The following ADAMTSL3 variants were observed in gnomAD, a reference collection of about 807,000 sequenced individuals.
ADAMTSL3 encodes the protein ADAMTS-like protein 3.
A neutral mutation model predicts 201.7 loss-of-function variants in ADAMTSL3; 128 were observed. The ratio of observed to expected loss-of-function variants is 0.63; its 90% CI spans 0.55 to 0.73. The LOEUF (loss-of-function observed/expected upper bound fraction) is 0.73, where lower values mean the gene tolerates loss of function less well. ADAMTSL3 is among the 30% of genes least tolerant of loss of function. The probability of loss-of-function intolerance (pLI) is 0.00; values close to 1 mark genes in which losing one functional copy is unlikely to be tolerated. For missense variants in ADAMTSL3, 1,990 were observed against 2,119.6 expected, an observed-to-expected ratio of 0.94 and a Z score of 1.20; for synonymous variants, 738 against 748.4, an observed-to-expected ratio of 0.99 and a Z score of 0.23.
At chr15:83,790,181 A>G (rs973529456) in intron 4 of ADAMTSL3, among the ~76,000 whole-genome samples, 4 of 150,052 alleles carry the variant, frequency 2.7e-5, no homozygotes, top group East Asian at 3.9e-4. Flanking sequence ...CAACAATTCC[A>G]TATAATTTCT....
Position 83,686,714 on chromosome 15 carries a change from A to C in ADAMTSL3, c.70-17675A>C, listed in dbSNP as rs553617227. 2.0e-5 allele frequency among the ~76,000 whole-genome samples: 3 copies of C among 152,262 alleles called. 1 individual carries two copies. In the South Asian group the frequency reaches 6.2e-4, roughly 32 times the overall value. ...TCATCTCCTTAGTCTTGAACCAAAG[A>C]CTGCATCTTGGTGAGTAAAATGTAT... On this transcript the variant is annotated intron_variant, in intron 2 of 29. Transcript: ENST00000286744.
At chr15:83,968,367 T>C (rs987347108) in intron 19 of ADAMTSL3, among the ~76,000 whole-genome samples, 2 of 152,146 alleles carry the variant, frequency 1.3e-5, no homozygotes, top group Admixed American at 6.5e-5. Flanking sequence ...GGGTGAAGGA[T>C]ATGAACAGAT....
At position 83,874,691 on chromosome 15, in the gene ADAMTSL3, G is replaced by C. The variant is rs1319896059; in HGVS notation, c.960+3732G>C. Among the ~76,000 whole-genome samples the C allele has an allele frequency of 2.2e-5, 3 of 136,838 alleles. 1 individual carries two copies. The highest frequency in any genetic ancestry group is 8.6e-5 in the African/African-American group (3 of 34,688). The allele number at this position is 136,838 out of a possible 152,430, so 89.8% of individuals were successfully genotyped here. ...CTAAAGCCAGCCAAGGATTGGATAG[G>C]GGTCCCAGCCACACCACCGAGAACG... On this transcript the variant is annotated intron_variant, in intron 9 of 29. Transcript: ENST00000286744.
intron 3 of ADAMTSL3, among the ~76,000 whole-genome samples, chr15:83,743,497 G>A (rs1193593876): frequency 5.1e-5 from 7 of 137,798 alleles, no homozygotes; most frequent in African/African-American, 1.9e-4. Context: ...TCCGGCCTGG[G>A]AGACAGAGCG....
chr15:83,660,656 C>T (rs981840861), intron 2 of ADAMTSL3, among the ~76,000 whole-genome samples: 2 of 152,220 alleles, frequency 1.3e-5, no homozygotes, highest in South Asian at 4.1e-4. Flanking sequence ...TTCCCATCCC[C>T]TAATGGAATC....
At chr15:84,012,009 GT>G (rs2068014851) in intron 23 of ADAMTSL3, among the ~76,000 whole-genome samples, 1 of 152,282 alleles carries the variant, frequency 6.6e-6, no homozygotes, top group South Asian at 2.1e-4. Context: ...CTTTCTGTAT[GT>G]GTATATGTGT....
intron 2 of ADAMTSL3, among the ~76,000 whole-genome samples, chr15:83,678,812 A>ATATTTATAT (rs71156091): frequency 7.0e-6 from 1 of 142,112 alleles, no homozygotes; most frequent in Non-Finnish European, 1.5e-5. Flanking sequence ...ATATTTATAT[A>ATATTTATAT]ATATAAAATA....
chr15:83,813,856 G>A (rs1281463314), intron 5 of ADAMTSL3, among the ~76,000 whole-genome samples: 1 of 152,200 alleles, frequency 6.6e-6, no homozygotes, highest in African/African-American at 2.4e-5. Context: ...GGAGCAAATG[G>A]AGAATTCCTA....
At chr15:83,849,805 TG>T (rs1347587485) in intron 7 of ADAMTSL3, among the ~76,000 whole-genome samples, 1 of 152,136 alleles carries the variant, frequency 6.6e-6, no homozygotes, top group Non-Finnish European at 1.5e-5. Context: ...AGTACTTTGT[TG>T]ATAATCAAAA....
intron 3 of ADAMTSL3, among the ~76,000 whole-genome samples, chr15:83,709,675 C>T (rs1161671725): frequency 6.6e-6 from 1 of 152,164 alleles, no homozygotes; most frequent in Non-Finnish European, 1.5e-5. Flanking sequence ...ATTATGGTCA[C>T]TGAAAGCCTG....
intron 3 of ADAMTSL3, among the ~76,000 whole-genome samples, chr15:83,756,075 C>A (rs1344514920): frequency 1.3e-5 from 2 of 152,182 alleles, no homozygotes; most frequent in African/African-American, 4.8e-5. Context: ...GCTTTCAATA[C>A]TTTTGGGTAT....
At chr15:83,852,952 G>A (rs2064650866) in intron 7 of ADAMTSL3, among the ~76,000 whole-genome samples, 1 of 152,046 alleles carries the variant, frequency 6.6e-6, no homozygotes, top group African/African-American at 2.4e-5. Context: ...TGCCTCCTGG[G>A]TTCAAGTGAT....
chr15:83,877,344 T>G (rs1028050124), intron 9 of ADAMTSL3, among the ~76,000 whole-genome samples: 1 of 152,218 alleles, frequency 6.6e-6, no homozygotes, highest in Admixed American at 6.5e-5. Context: ...AGAATCAATA[T>G]TTTTTCTATA....
At chr15:83,737,322 C>T (rs142372902) in intron 3 of ADAMTSL3, among the ~76,000 whole-genome samples, 1 of 152,234 alleles carries the variant, frequency 6.6e-6, no homozygotes, top group East Asian at 1.9e-4. Context: ...TTTGTGTCTC[C>T]TCCCAAATCT....
intron 6 of ADAMTSL3, among the ~76,000 whole-genome samples, chr15:83,822,843 C>A (rs868856462): frequency 2.0e-5 from 3 of 151,750 alleles, no homozygotes; most frequent in Non-Finnish European, 1.5e-5. Context: ...CCAAGGCAGG[C>A]GGCTGGGAGG....
chr15:83,700,589 C>A (rs368723298), intron 2 of ADAMTSL3, among the ~76,000 whole-genome samples: 1 of 152,082 alleles, frequency 6.6e-6, no homozygotes, highest in South Asian at 2.1e-4. Context: ...CATGGTGAAA[C>A]CCCGTCTCTA....
At chr15:83,986,926 C>T (rs141082340) in intron 21 of ADAMTSL3, among the ~76,000 whole-genome samples, 8 of 152,256 alleles carry the variant, frequency 5.3e-5, no homozygotes, top group Non-Finnish European at 1.0e-4. Flanking sequence ...GTTCTCCAGC[C>T]CAAGGACAGA....
chr15:83,795,547 C>T (rs2063412105), intron 4 of ADAMTSL3, among the ~76,000 whole-genome samples: 1 of 152,014 alleles, frequency 6.6e-6, no homozygotes, highest in Non-Finnish European at 1.5e-5. Context: ...GAGGTCCAGA[C>T]ACTTAACAGA....
At chr15:83,735,321 T>C (rs74460513) in intron 3 of ADAMTSL3, among the ~76,000 whole-genome samples, 6,902 of 152,216 alleles carry the variant, frequency 0.045, 514 homozygotes, top group African/African-American at 0.15. Flanking sequence ...ACACAATCAG[T>C]TGCAGAAGTC....
Sources: gnomAD v4.1 joint callset for allele counts (sites outside exome capture counted in the v4.1 genomes callset) on GRCh38, gnomAD v4.1.1 for gene constraint, MANE v1.5 for transcripts, NCBI Gene and HGNC (gene_info 2026-07-23, HGNC 2026-07-21) for gene names.